Variants in RIMS1 observed in about 807,000 individuals in gnomAD.
RIMS1 encodes regulating synaptic membrane exocytosis protein 1.
In RIMS1, 83 loss-of-function variants were observed where a neutral mutation model predicts 214.1. The observed-to-expected ratio is 0.39, with a 90% CI of 0.32 to 0.47. The LOEUF (loss-of-function observed/expected upper bound fraction) is 0.47. Ranked by LOEUF, RIMS1 falls within the 20% of genes least tolerant of loss-of-function variation. The pLI is 0.99. For synonymous variants in RIMS1, 793 were observed against 786.8 expected (o/e 1.01, Z -0.13); for missense variants, 2,050 against 2,161.8 (o/e 0.95, Z 1.03).
intron 29 of RIMS1, among the ~76,000 whole-genome samples, chr6:72,377,613 C>A (rs1225300734): frequency 6.6e-6 from 1 of 152,184 alleles, no homozygotes; most frequent in Admixed American, 6.5e-5. Flanking sequence ...CTGATACTAT[C>A]TTTTCATAGT....
At chr6:71,991,228 GC>G (rs1165221983) in intron 2 of RIMS1, among the ~76,000 whole-genome samples, 1 of 151,396 alleles carries the variant, frequency 6.6e-6, no homozygotes, top group African/African-American at 2.4e-5. Context: ...TTTTGAAATT[GC>G]CTCTGGACTA....
intron 19 of RIMS1, chr6:72,262,556 G>T (rs1040556086): frequency 1.0e-6 from 1 of 983,782 alleles, no homozygotes; most frequent in Non-Finnish European, 1.2e-6. Context: ...AATGCTAAAA[G>T]TATGGAGATA....
intron 26 of RIMS1, among the ~76,000 whole-genome samples, chr6:72,304,487 C>A (rs1293416950): frequency 6.6e-6 from 1 of 151,650 alleles, no homozygotes; most frequent in Non-Finnish European, 1.5e-5. Flanking sequence ...TTATTGGAAT[C>A]GTGCCTTCTG....
At chr6:71,959,982 C>T (rs2151236253) in intron 1 of RIMS1, among the ~76,000 whole-genome samples, 1 of 152,224 alleles carries the variant, frequency 6.6e-6, no homozygotes, top group South Asian at 2.1e-4. Context: ...AGCATGGTTC[C>T]AGGCCCACTG....
At chr6:72,241,397 A>G (rs1310573641) in intron 9 of RIMS1, among the ~76,000 whole-genome samples, 1 of 152,196 alleles carries the variant, frequency 6.6e-6, no homozygotes, top group Non-Finnish European at 1.5e-5. Flanking sequence ...TGAAGAGTCT[A>G]AGGCAGAGAA....
chr6:72,338,049 A>G lies in RIMS1; in HGVS notation c.4366+4214A>G, dbSNP rs192477869. 1.5e-3 allele frequency among the ~76,000 whole-genome samples: 224 copies of G among 151,928 alleles called. 2 individuals are homozygous for G. The highest frequency in any genetic ancestry group is 6.8e-3 in the Middle Eastern group (2 of 294). ...TATTGTGAATAGTGCCGCAATAAAC[A>G]TACGTGTGTATGTGTCTTTATAGCA... On this transcript the variant is annotated intron_variant, in intron 29 of 33. Transcript: ENST00000521978.
intron 4 of RIMS1, among the ~76,000 whole-genome samples, chr6:72,141,403 G>A (rs1021192083): frequency 6.6e-6 from 1 of 151,836 alleles, no homozygotes; most frequent in Admixed American, 6.6e-5. Flanking sequence ...GTACTTCCAG[G>A]TTTTGGGTAT....
chr6:71,938,831 A>G (rs180992336), intron 1 of RIMS1, among the ~76,000 whole-genome samples: 27 of 152,332 alleles, frequency 1.8e-4, no homozygotes, highest in African/African-American at 6.3e-4. Flanking sequence ...TTATCTCTAT[A>G]TCAAACAGTC....
intron 2 of RIMS1, among the ~76,000 whole-genome samples, chr6:72,088,525 TG>T (rs1228246848): frequency 6.6e-6 from 1 of 152,124 alleles, no homozygotes; most frequent in Non-Finnish European, 1.5e-5. Context: ...CCCAAAGTGC[TG>T]GGATTGCAGA....
intron 2 of RIMS1, among the ~76,000 whole-genome samples, chr6:72,055,105 G>C (rs1291048200): frequency 3.3e-5 from 5 of 152,078 alleles, no homozygotes; most frequent in African/African-American, 1.2e-4. Context: ...TTTGTATAAG[G>C]TGTAATGTCC....
intron 2 of RIMS1, among the ~76,000 whole-genome samples, chr6:72,059,517 C>G (rs1325402842): frequency 6.6e-6 from 1 of 152,304 alleles, no homozygotes; most frequent in African/African-American, 2.4e-5. Context: ...GTGTGAGCCA[C>G]CATATCTGGC....
intron 1 of RIMS1, among the ~76,000 whole-genome samples, chr6:71,937,901 C>T (rs898021349): frequency 2.6e-5 from 4 of 152,184 alleles, no homozygotes; most frequent in Admixed American, 6.5e-5. Context: ...AGAATCTTAA[C>T]TCATTCCAGC....
At chr6:72,086,804 GA>G (rs1167739584) in intron 2 of RIMS1, among the ~76,000 whole-genome samples, 1 of 152,328 alleles carries the variant, frequency 6.6e-6, no homozygotes, top group African/African-American at 2.4e-5. Context: ...CTACCTCAGA[GA>G]TGATATTTAA....
At chr6:72,104,796 T>C (rs2034393140) in intron 4 of RIMS1, among the ~76,000 whole-genome samples, 1 of 152,208 alleles carries the variant, frequency 6.6e-6, no homozygotes, top group Non-Finnish European at 1.5e-5. Context: ...GACTGTTTTT[T>C]TTTAAAAAAT....
intron 1 of RIMS1, among the ~76,000 whole-genome samples, chr6:71,963,652 T>C (rs902369022): frequency 4.6e-5 from 7 of 152,200 alleles, no homozygotes; most frequent in Non-Finnish European, 4.4e-5. Context: ...TGTGAAATAC[T>C]CTTTTTCTTG....
At chr6:72,245,050 C>T (rs1330556709) in intron 10 of RIMS1, among the ~76,000 whole-genome samples, 2 of 151,748 alleles carry the variant, frequency 1.3e-5, no homozygotes, top group African/African-American at 4.8e-5. Flanking sequence ...AATACCTAAA[C>T]CAAGGTGATC....
At chr6:71,942,503 T>G (rs752402236) in intron 1 of RIMS1, among the ~76,000 whole-genome samples, 1 of 152,212 alleles carries the variant, frequency 6.6e-6, no homozygotes, top group Non-Finnish European at 1.5e-5. Context: ...TAAAATACTT[T>G]GTTATTTTTC....
chr6:72,149,670 G>A (rs1343193730), intron 4 of RIMS1, among the ~76,000 whole-genome samples: 1 of 152,184 alleles, frequency 6.6e-6, no homozygotes, highest in East Asian at 1.9e-4. Flanking sequence ...GGAAAAAAGT[G>A]AAGAATTATA....
At chr6:72,189,330 G>A (rs944377599) in intron 6 of RIMS1, among the ~76,000 whole-genome samples, 1 of 152,184 alleles carries the variant, frequency 6.6e-6, no homozygotes, top group Non-Finnish European at 1.5e-5. Flanking sequence ...TGGGGAACAT[G>A]GTAAGACCAG....
Sources: gnomAD v4.1 joint callset for allele counts (sites outside exome capture counted in the v4.1 genomes callset) on GRCh38, gnomAD v4.1.1 for gene constraint, MANE v1.5 for transcripts, NCBI Gene and HGNC (gene_info 2026-07-23, HGNC 2026-07-21) for gene names.